Variants in PHLPP1 observed in about 807,000 individuals in gnomAD.
The protein encoded by PHLPP1 is PH domain and leucine rich repeat protein phosphatase 1, also known as PH domain leucine-rich repeat-containing protein phosphatase 1.
In PHLPP1, 42 loss-of-function variants were observed where a neutral mutation model predicts 117.2. The observed-to-expected ratio is 0.36, with a 90% CI of 0.28 to 0.46. The LOEUF is 0.46. Ranked by LOEUF, PHLPP1 falls within the 20% of genes least tolerant of loss-of-function variation. The probability of loss-of-function intolerance (pLI) is 1.00; values close to 1 mark genes in which losing one functional copy is unlikely to be tolerated. For synonymous variants in PHLPP1, 1,042 were observed against 970.7 expected, an observed-to-expected ratio of 1.07 and a Z score of -1.37; for missense variants, 2,084 against 2,241.9, an observed-to-expected ratio of 0.93 and a Z score of 1.42.
At chr18:62,967,358 C>G (rs1910932077) in intron 14 of PHLPP1, among the ~76,000 whole-genome samples, 1 of 152,188 alleles carries the variant, frequency 6.6e-6, no homozygotes, top group African/African-American at 2.4e-5. Flanking sequence ...TTCGCGCTCC[C>G]AACAGCAATG....
intron 1 of PHLPP1, among the ~76,000 whole-genome samples, chr18:62,719,017 C>T (rs899996373): frequency 6.6e-6 from 1 of 152,122 alleles, no homozygotes; most frequent in Non-Finnish European, 1.5e-5. Context: ...AAAAGTCTTT[C>T]CTGGTTAAAT....
chr18:62,780,726 C>T (rs1443730104), intron 1 of PHLPP1, among the ~76,000 whole-genome samples: 1 of 152,164 alleles, frequency 6.6e-6, no homozygotes, highest in Non-Finnish European at 1.5e-5. Flanking sequence ...ATCCAAGAAC[C>T]ATGCTTGGAG....
chr18:62,886,767 C>T (rs1006841045), intron 4 of PHLPP1, among the ~76,000 whole-genome samples: 1 of 152,184 alleles, frequency 6.6e-6, no homozygotes, highest in Non-Finnish European at 1.5e-5. Flanking sequence ...GAGTGATGCT[C>T]ATTGCTGTTT....
At chr18:62,957,509 A>G (rs544494342) in intron 12 of PHLPP1, among the ~76,000 whole-genome samples, 1 of 151,640 alleles carries the variant, frequency 6.6e-6, no homozygotes, top group Non-Finnish European at 1.5e-5. Flanking sequence ...GCTTTTGCCA[A>G]TTTCTTATTC....
chr18:62,972,646 A>G lies in PHLPP1; in HGVS notation c.3693A>G (p.Glu1231=), dbSNP rs1911085563. ...LQCTMSDILA[E]ELQKTKNEEE... ...GCACTATGAGTGACATTTTGGCTGA[A>G]GAGCTGCAAAAAACAAAAAACGAAG... The change falls in exon 15 of 17, where the codon GAA becomes GAG. Residue 1231 remains glutamate (E), a synonymous_variant. Coordinates refer to ENST00000262719, the MANE Select transcript of PHLPP1 (RefSeq NM_194449.4). 5.6e-6 allele frequency: 9 copies of G among 1,613,984 alleles called. No individual in the cohort carries two copies. The highest frequency in any genetic ancestry group is 7.6e-6 in the Non-Finnish European group (9 of 1,179,856).
chr18:62,791,663 G>A (rs1425585896), intron 1 of PHLPP1, among the ~76,000 whole-genome samples: 2 of 152,160 alleles, frequency 1.3e-5, no homozygotes, highest in Admixed American at 1.3e-4. Flanking sequence ...CATGAAATGC[G>A]TTAGGAAAGC....
chr18:62,960,870 A>G (rs1468288911), intron 13 of PHLPP1, among the ~76,000 whole-genome samples: 1 of 152,202 alleles, frequency 6.6e-6, no homozygotes, highest in Non-Finnish European at 1.5e-5. Flanking sequence ...TGGATTCTTA[A>G]TGACTTGGAA....
At chr18:62,900,229 G>A (rs941333774) in intron 6 of PHLPP1, among the ~76,000 whole-genome samples, 5 of 151,802 alleles carry the variant, frequency 3.3e-5, no homozygotes, top group Non-Finnish European at 7.4e-5. Context: ...CCCAGGAGGC[G>A]GAGGTTGCAG....
chr18:62,944,932 T>C (rs1910234157), intron 11 of PHLPP1, among the ~76,000 whole-genome samples, 177 bp from the exon 12 acceptor site: 1 of 152,322 alleles, frequency 6.6e-6, no homozygotes, highest in Middle Eastern at 3.4e-3. Flanking sequence ...TTTTGTTCTG[T>C]AGTGAGAAAG....
chr18:62,860,737 T>C, intron 4 of PHLPP1, 136 bp downstream of exon 4: 3 of 696,740 alleles, frequency 4.3e-6, no homozygotes, highest in Non-Finnish European at 4.7e-6. Context: ...TAATAGGACT[T>C]TGTTTATTAG....
chr18:62,831,038 A>G (rs1914744352), intron 2 of PHLPP1, among the ~76,000 whole-genome samples: 1 of 152,122 alleles, frequency 6.6e-6, no homozygotes, highest in African/African-American at 2.4e-5. Flanking sequence ...AATGTTTCTC[A>G]TTTCGGAGAA....
At chr18:62,913,420 A>G (rs1429978290) in intron 8 of PHLPP1, among the ~76,000 whole-genome samples, 1 of 152,230 alleles carries the variant, frequency 6.6e-6, no homozygotes, top group East Asian at 1.9e-4. Context: ...AGGAGTAGAT[A>G]TAATTGCAAA....
intron 7 of PHLPP1, among the ~76,000 whole-genome samples, chr18:62,904,420 A>G (rs1362198898): frequency 5.9e-5 from 9 of 152,212 alleles, no homozygotes; most frequent in Admixed American, 5.2e-4. Flanking sequence ...GTGTGTACAG[A>G]ATGCATTTAT....
At chr18:62,746,795 ATGG>A (rs1233689414) in intron 1 of PHLPP1, among the ~76,000 whole-genome samples, 1 of 151,534 alleles carries the variant, frequency 6.6e-6, no homozygotes, top group Non-Finnish European at 1.5e-5. Flanking sequence ...TCTATTATAA[ATGG>A]TGTATTAAAA....
At chr18:62,896,219 T>C (rs973352642) in intron 6 of PHLPP1, among the ~76,000 whole-genome samples, 1 of 152,156 alleles carries the variant, frequency 6.6e-6, no homozygotes, top group African/African-American at 2.4e-5. Flanking sequence ...GTCTTTGTTT[T>C]GCAGATTGGA....
At chr18:62,871,469 A>G (rs1229754284) in intron 4 of PHLPP1, among the ~76,000 whole-genome samples, 1 of 151,818 alleles carries the variant, frequency 6.6e-6, no homozygotes, top group Non-Finnish European at 1.5e-5. Flanking sequence ...CTGGGATTAC[A>G]GGCGTGCACC....
At chr18:62,861,132 G>C (rs1400429648) in intron 4 of PHLPP1, among the ~76,000 whole-genome samples, 1 of 151,890 alleles carries the variant, frequency 6.6e-6, no homozygotes, top group Non-Finnish European at 1.5e-5. Context: ...ATTTTTTTGA[G>C]ACAGAGTCTT....
intron 10 of PHLPP1, among the ~76,000 whole-genome samples, chr18:62,932,151 C>T (rs1057510359): frequency 2.6e-4 from 40 of 152,014 alleles, no homozygotes; most frequent in African/African-American, 9.7e-4. Flanking sequence ...GAAAAGAAAG[C>T]CCCGGAGCAG....
intron 1 of PHLPP1, among the ~76,000 whole-genome samples, chr18:62,760,398 A>T (rs1599030265): frequency 6.6e-6 from 1 of 152,238 alleles, no homozygotes; most frequent in East Asian, 1.9e-4. Context: ...CTCATCACAG[A>T]TGGGTTCCTA....
Sources: gnomAD v4.1 joint callset for allele counts (sites outside exome capture counted in the v4.1 genomes callset) on GRCh38, gnomAD v4.1.1 for gene constraint, MANE v1.5 for transcripts, NCBI Gene and HGNC (gene_info 2026-07-23, HGNC 2026-07-21) for gene names.